Variants in GRAMD1C observed in about 807,000 individuals in gnomAD.
GRAMD1C encodes the protein protein Aster-C.
In GRAMD1C, 89 loss-of-function variants were observed where a neutral mutation model predicts 97.8. The ratio of observed to expected loss-of-function variants is 0.91; its 90% CI spans 0.77 to 1.09. The LOEUF (loss-of-function observed/expected upper bound fraction) is 1.09. Among genes scored for constraint, GRAMD1C ranks in the 50% least tolerant of loss-of-function variants. The pLI, the probability that GRAMD1C is intolerant of heterozygous loss-of-function variation, is 0.00. For missense variants in GRAMD1C, 740 were observed against 766.4 expected (o/e 0.97, Z 0.41); for synonymous variants, 256 against 267.0 (o/e 0.96, Z 0.40).
intron 1 of GRAMD1C, among the ~76,000 whole-genome samples, chr3:113,829,816 T>G (rs1008477296): frequency 6.6e-6 from 1 of 152,142 alleles, no homozygotes; most frequent in Non-Finnish European, 1.5e-5. Flanking sequence ...CATCCTAGAA[T>G]GTACTTAAAG....
chr3:113,876,107 C>A, intron 4 of GRAMD1C, 58 bp from the exon 5 acceptor site: 3 of 762,568 alleles, frequency 3.9e-6, no homozygotes, highest in East Asian at 2.5e-5. Context: ...GGATACTTGG[C>A]ATTTTGTATT....
chr3:113,877,542 A>T (rs1935093460), intron 5 of GRAMD1C, among the ~76,000 whole-genome samples: 1 of 152,166 alleles, frequency 6.6e-6, no homozygotes, highest in South Asian at 2.1e-4. Context: ...GTTATTTTGT[A>T]GGATATCTCT....
intron 6 of GRAMD1C, among the ~76,000 whole-genome samples, chr3:113,898,330 T>C (rs1282320630): frequency 6.6e-6 from 1 of 152,136 alleles, no homozygotes; most frequent in African/African-American, 2.4e-5. Context: ...TTATAAAAGA[T>C]TAGTCTTACA....
At chr3:113,829,929 G>A (rs1425928948) in intron 1 of GRAMD1C, among the ~76,000 whole-genome samples, 1 of 152,044 alleles carries the variant, frequency 6.6e-6, no homozygotes. Flanking sequence ...GACAAACCAG[G>A]GTGAGGTTCA....
In GRAMD1C at chr3:113,928,851, A is replaced by G. The variant is rs1937316373; in HGVS notation, c.1091-1863A>G. Among the ~76,000 whole-genome samples the G allele has an allele frequency of 2.0e-5, 3 of 152,264 alleles. No individual in the cohort carries two copies. The South Asian group carries it at 6.2e-4, about 32-fold the overall frequency. ...ATATTCCATTGCATGTATATACCACATTTTGTTTATCCGTTCATCCATTAA... is the reference window on the plus strand; with the variant it reads ...ATATTCCATTGCATGTATATACCACGTTTTGTTTATCCGTTCATCCATTAA... On this transcript the variant is annotated intron_variant, in intron 10 of 17. Coordinates refer to ENST00000358160, the MANE Select transcript of GRAMD1C (RefSeq NM_017577.5).
At chr3:113,880,395 T>C (rs1935211142) in intron 5 of GRAMD1C, among the ~76,000 whole-genome samples, 1 of 152,184 alleles carries the variant, frequency 6.6e-6, no homozygotes, top group African/African-American at 2.4e-5. Context: ...TAATCTTACA[T>C]GTGTTGTTTT....
intron 6 of GRAMD1C, among the ~76,000 whole-genome samples, chr3:113,893,393 T>C (rs1023360860): frequency 6.6e-6 from 1 of 151,994 alleles, no homozygotes; most frequent in Non-Finnish European, 1.5e-5. Context: ...TTTTTTTTTT[T>C]ATTAAGTCTT....
chr3:113,882,779 G>A lies in GRAMD1C; in HGVS notation c.487G>A (p.Asp163Asn), dbSNP rs772625155. 1 of 1,595,280 alleles carries A rather than the reference G, an allele frequency of 6.3e-7. No individual in the cohort carries two copies. The highest frequency in any genetic ancestry group is 8.6e-7 in the Non-Finnish European group (1 of 1,163,364). Residue 163 changes from aspartate (D) to asparagine (N), a missense_variant, in exon 6 of 18, where the codon GAT becomes AAT. Coordinates refer to ENST00000358160, the MANE Select transcript of GRAMD1C (RefSeq NM_017577.5). ...KFFFTSFGAR[D>N]RSYLSIFRLW... ...TTTCTTCACATCTTTTGGTGCCAGG[G>A]ATAGAAGTTACCTCAGTATCTTTAG...
chr3:113,941,620 ATTT>A (rs11378575), intron 17 of GRAMD1C, among the ~76,000 whole-genome samples: 2 of 139,522 alleles, frequency 1.4e-5, no homozygotes, highest in Admixed American at 7.2e-5. Flanking sequence ...TGGTGTTGCA[ATTT>A]TTTTTTTTTT....
intron 10 of GRAMD1C, chr3:113,919,618 A>G (rs942168369): frequency 4.9e-6 from 3 of 617,914 alleles, no homozygotes; most frequent in African/African-American, 3.7e-5. Context: ...ATTTTCTTAA[A>G]GTGACAATAG....
chr3:113,844,739 T>C (rs990567876), intron 2 of GRAMD1C, 90 bp downstream of exon 2: 1 of 870,140 alleles, frequency 1.1e-6, no homozygotes, highest in Non-Finnish European at 1.8e-6. Context: ...TAAAATTTCC[T>C]TCTTAGCTTC....
chr3:113,876,184 A>G lies in GRAMD1C; in HGVS notation c.383A>G (p.Asn128Ser). The G allele has an allele frequency of 1.9e-6, 3 of 1,578,560 alleles. No individual in the cohort carries two copies. In the South Asian group the frequency reaches 3.3e-5, roughly 18 times the overall value. ...GTTTAGATTTCTATTGCTTTAAAGAATATAACCTTCATGACCAAGGAAAAA... is the reference window on the plus strand; with the variant it reads ...GTTTAGATTTCTATTGCTTTAAAGAGTATAACCTTCATGACCAAGGAAAAA... ...WETTISIALK[N>S]ITFMTKEKTA... The change falls in exon 5 of 18, where the codon AAT becomes AGT. Residue 128 changes from asparagine (N) to serine (S), a missense_variant. Coordinates refer to ENST00000358160, the MANE Select transcript of GRAMD1C (RefSeq NM_017577.5).
At chr3:113,862,244 C>T (rs1026397853) in intron 2 of GRAMD1C, among the ~76,000 whole-genome samples, 15 of 152,140 alleles carry the variant, frequency 9.9e-5, no homozygotes, top group African/African-American at 3.6e-4. Context: ...TCCTAATAAG[C>T]CTAGGAGTGC....
chr3:113,855,044 G>T (rs1410032817), intron 2 of GRAMD1C, among the ~76,000 whole-genome samples: 1 of 152,202 alleles, frequency 6.6e-6, no homozygotes, highest in Non-Finnish European at 1.5e-5. Context: ...GAGCATGGTG[G>T]CTCACGCCTG....
chr3:113,900,252 G>C (rs137939105), intron 6 of GRAMD1C, among the ~76,000 whole-genome samples: 1 of 150,932 alleles, frequency 6.6e-6, no homozygotes. Flanking sequence ...CCAGCCACTC[G>C]GGAGGCTGAG....
chr3:113,911,184 A>ACACACACACACACG (rs1005105896), intron 9 of GRAMD1C, among the ~76,000 whole-genome samples: 1 of 151,336 alleles, frequency 6.6e-6, no homozygotes, highest in Non-Finnish European at 1.5e-5. Flanking sequence ...ACACACACAC[A>ACACACACACACACG]CACACGCACA....
At chr3:113,935,043 C>T (rs554020223) in intron 13 of GRAMD1C, among the ~76,000 whole-genome samples, 4 of 152,130 alleles carry the variant, frequency 2.6e-5, no homozygotes, top group Admixed American at 1.3e-4. Flanking sequence ...CGTGCCTGGC[C>T]GAACAAACAC....
intron 1 of GRAMD1C, among the ~76,000 whole-genome samples, chr3:113,829,681 AT>A (rs113675325): frequency 2.4e-4 from 37 of 151,594 alleles, no homozygotes; most frequent in African/African-American, 3.9e-4. Flanking sequence ...TTGGCACACA[AT>A]TTTTTTTTCT....
intron 2 of GRAMD1C, among the ~76,000 whole-genome samples, chr3:113,859,547 A>G (rs1305913652): frequency 6.6e-6 from 1 of 152,182 alleles, no homozygotes; most frequent in South Asian, 2.1e-4. Flanking sequence ...TTAGGTTTTA[A>G]TATGCATTTG....
Sources: gnomAD v4.1 joint callset for allele counts (sites outside exome capture counted in the v4.1 genomes callset) on GRCh38, gnomAD v4.1.1 for gene constraint, MANE v1.5 for transcripts, NCBI Gene and HGNC (gene_info 2026-07-23, HGNC 2026-07-21) for gene names.